The following GLI3 variants were observed in gnomAD, a reference collection of about 807,000 sequenced individuals.
The protein encoded by GLI3 is transcription activator GLI3.
Under a neutral mutation model 100.8 loss-of-function variants are expected in GLI3, and 20 were observed. The ratio of observed to expected loss-of-function variants is 0.20; its 90% CI spans 0.14 to 0.29. The LOEUF (loss-of-function observed/expected upper bound fraction) is 0.29. GLI3 is among the 10% of genes least tolerant of loss of function. The pLI, the probability that GLI3 is intolerant of heterozygous loss-of-function variation, is 1.00. For synonymous variants in GLI3, 938 were observed against 860.5 expected, an observed-to-expected ratio of 1.09 and a Z score of -1.58; for missense variants, 2,040 against 2,128.5, an observed-to-expected ratio of 0.96 and a Z score of 0.82.
At chr7:42,016,771 T>C (rs1788777602) in intron 10 of GLI3, among the ~76,000 whole-genome samples, 1 of 152,322 alleles carries the variant, frequency 6.6e-6, no homozygotes, top group Middle Eastern at 3.4e-3. Context: ...ACCTGCATGA[T>C]TTACTTTGAC....
chr7:42,208,318 G>C (rs1283015043), intron 2 of GLI3, among the ~76,000 whole-genome samples: 1 of 152,014 alleles, frequency 6.6e-6, no homozygotes, highest in Non-Finnish European at 1.5e-5. Flanking sequence ...GCTCCTTTAG[G>C]CTCCATTTTT....
At chr7:42,140,838 T>C (rs748294955) in intron 3 of GLI3, among the ~76,000 whole-genome samples, 3 of 152,180 alleles carry the variant, frequency 2.0e-5, no homozygotes, top group Non-Finnish European at 4.4e-5. Flanking sequence ...GAGGATAATG[T>C]TGCCTCTATT....
intron 3 of GLI3, among the ~76,000 whole-genome samples, chr7:42,129,788 C>T (rs1478717634): frequency 2.0e-5 from 3 of 151,806 alleles, no homozygotes; most frequent in African/African-American, 4.8e-5. Context: ...CCAGCCTGGG[C>T]GACAGACCGA....
intron 10 of GLI3, among the ~76,000 whole-genome samples, chr7:42,007,346 T>A (rs1788486812): frequency 6.6e-6 from 1 of 152,052 alleles, no homozygotes; most frequent in African/African-American, 2.4e-5. Context: ...CTTATGTGCT[T>A]GAAATAAAAA....
At chr7:42,196,639 G>A (rs139191079) in intron 2 of GLI3, among the ~76,000 whole-genome samples, 148 of 152,264 alleles carry the variant, frequency 9.7e-4, no homozygotes, top group African/African-American at 3.3e-3. Flanking sequence ...TCCACCTTAT[G>A]AACCTGGTGA....
intron 12 of GLI3, among the ~76,000 whole-genome samples, chr7:41,976,380 A>C (rs775478614): frequency 6.6e-6 from 1 of 152,206 alleles, no homozygotes; most frequent in Non-Finnish European, 1.5e-5. Flanking sequence ...TTTATGAGTG[A>C]GTGTGCTTTT....
At chr7:41,982,219 CTCT>C in intron 10 of GLI3, among the ~76,000 whole-genome samples, 1 of 152,254 alleles carries the variant, frequency 6.6e-6, no homozygotes, top group East Asian at 1.9e-4. Context: ...GTCAATCTTC[CTCT>C]TCTTTACTGC....
intron 2 of GLI3, among the ~76,000 whole-genome samples, chr7:42,161,839 T>C (rs961816819): frequency 6.6e-6 from 1 of 152,204 alleles, no homozygotes; most frequent in African/African-American, 2.4e-5. Context: ...CAGAAACAAA[T>C]GTAGTCAGGA....
rs1205177817 is a variant in GLI3, at chr7:41,961,555, C to T, written c.*2775G>A. ...GGTTAACTTTTTCAGAAAAATAAAA[C>T]AAAAATGGTTAGAAAACGTTTAACA... On this transcript the variant is annotated 3_prime_UTR_variant, in exon 15 of 15. Coordinates refer to ENST00000395925, the MANE Select transcript of GLI3 (RefSeq NM_000168.6). The T allele has an allele frequency of 1.3e-5, 2 of 152,406 alleles. No homozygotes were observed. Among genetic ancestry groups the T allele is most frequent in the African/African-American group, 4.8e-5 (2 of 41,414 alleles). 9.4% of individuals were successfully genotyped at this position (152,406 alleles called of 1,614,324 possible). A position where few individuals can be genotyped will look rare whatever the true frequency, so the allele number is the denominator to read the frequency against.
intron 10 of GLI3, among the ~76,000 whole-genome samples, chr7:41,998,168 A>G (rs1209378896): frequency 6.6e-6 from 1 of 152,214 alleles, no homozygotes; most frequent in East Asian, 1.9e-4. Context: ...CTAGGGACTT[A>G]GAGGAGCCAG....
rs569838817 is a variant in GLI3, at chr7:42,021,138, T to A, written c.1497+2330A>T. Among the ~76,000 whole-genome samples, 179 of 152,262 alleles carry A rather than the reference T, an allele frequency of 1.2e-3. 4 individuals carry two copies. The highest frequency in any genetic ancestry group is 3.9e-3 in the African/African-American group (161 of 41,560). On this transcript the variant is annotated intron_variant, in intron 10 of 14. Transcript: ENST00000395925. ...CTTGGGGTTCCTGCACCTCAGACAG[T>A]AAGTAAAAAGGTGGAAAATAAGTGA...
chr7:42,130,590 C>T (rs1428559964), intron 3 of GLI3, among the ~76,000 whole-genome samples: 2 of 151,880 alleles, frequency 1.3e-5, no homozygotes, highest in Non-Finnish European at 2.9e-5. Context: ...GAACCAAAAG[C>T]AAAGACATAC....
intron 4 of GLI3, among the ~76,000 whole-genome samples, chr7:42,069,266 A>G (rs6960887): frequency 0.036 from 5,557 of 152,322 alleles, 349 homozygotes; most frequent in African/African-American, 0.13. Context: ...CATTAGAAAT[A>G]CTGCAAAACA....
intron 6 of GLI3, among the ~76,000 whole-genome samples, chr7:42,041,784 G>T (rs1051795849): frequency 1.3e-5 from 2 of 152,096 alleles, no homozygotes; most frequent in South Asian, 2.1e-4. Context: ...AAATATGAAT[G>T]ACTTCATTGT....
rs186035895 is a variant in GLI3 at position 42,041,725 on chromosome 7, A to T, written c.827-1486T>A. Among the ~76,000 whole-genome samples, 11 of 152,346 alleles carry T rather than the reference A, an allele frequency of 7.2e-5. No individual in the cohort carries two copies. The East Asian group carries it at 1.9e-3, about 27-fold the overall frequency. On this transcript the variant is annotated intron_variant, in intron 6 of 14. Coordinates refer to ENST00000395925, the MANE Select transcript of GLI3 (RefSeq NM_000168.6). ...TTCAATAAAGATGGTTCTTGATACA[A>T]GATAACAATCCAACATGCTTAGAGA...
chr7:42,063,305 A>T (rs1583523467), intron 4 of GLI3, among the ~76,000 whole-genome samples: 1 of 152,282 alleles, frequency 6.6e-6, no homozygotes, highest in Middle Eastern at 3.4e-3. Context: ...ACACACAAAT[A>T]CATATGACAT....
intron 3 of GLI3, among the ~76,000 whole-genome samples, chr7:42,143,397 G>C (rs1478876503): frequency 6.6e-6 from 1 of 152,198 alleles, no homozygotes; most frequent in Non-Finnish European, 1.5e-5. Context: ...ATGCCTCTTA[G>C]GCATTTTTGT....
At chr7:42,236,059 A>T (rs778182528) in intron 1 of GLI3, among the ~76,000 whole-genome samples, 17 of 151,828 alleles carry the variant, frequency 1.1e-4, no homozygotes, top group Non-Finnish European at 2.2e-4. Flanking sequence ...GGCATCTTAC[A>T]GAAGGAGGTG....
At chr7:41,992,414 TG>T (rs1788012797) in intron 10 of GLI3, among the ~76,000 whole-genome samples, 1 of 152,148 alleles carries the variant, frequency 6.6e-6, no homozygotes, top group Non-Finnish European at 1.5e-5. Context: ...AGGACATCTC[TG>T]GTAGAGAGAT....
Sources: allele counts gnomAD v4.1 joint callset (sites outside exome capture counted in the v4.1 genomes callset), GRCh38; gene constraint gnomAD v4.1.1; transcripts MANE v1.5; gene names NCBI Gene and HGNC (gene_info 2026-07-23, HGNC 2026-07-21).